The following ORC2 variants were observed in gnomAD, a reference collection of about 807,000 sequenced individuals.
The protein encoded by ORC2 is origin recognition complex protein 2 homolog.
In ORC2, 37 loss-of-function variants were observed where a neutral mutation model predicts 77.7. The ratio of observed to expected loss-of-function variants is 0.48; its 90% CI spans 0.37 to 0.63. ORC2 has a LOEUF of 0.63. Ranked by LOEUF, ORC2 falls within the 20% of genes least tolerant of loss-of-function variation. The probability of loss-of-function intolerance (pLI) is 0.00; values close to 1 mark genes in which losing one functional copy is unlikely to be tolerated. For missense variants in ORC2, 557 were observed against 661.9 expected, an observed-to-expected ratio of 0.84 and a Z score of 1.74; for synonymous variants, 201 against 229.5, an observed-to-expected ratio of 0.88 and a Z score of 1.12.
chr2:200,914,877 A>G (rs1339521808), intron 15 of ORC2, among the ~76,000 whole-genome samples: 1 of 152,160 alleles, frequency 6.6e-6, no homozygotes, highest in African/African-American at 2.4e-5. Context: ...TTGAGATCAT[A>G]CTGGGTATGC....
intron 17 of ORC2, among the ~76,000 whole-genome samples, chr2:200,912,411 AGT>A (rs1559001765): frequency 6.6e-6 from 1 of 152,116 alleles, no homozygotes; most frequent in South Asian, 2.1e-4. Flanking sequence ...TCACTCTTTC[AGT>A]GTGTGTGTTT....
intron 6 of ORC2, 49 bp downstream of exon 6, chr2:200,942,636 T>G: frequency 9.9e-7 from 1 of 1,005,452 alleles, no homozygotes; most frequent in East Asian, 2.5e-5. Context: ...ATGCTCTATC[T>G]TGAAGCAACT....
intron 17 of ORC2, 63 bp from the exon 18 acceptor site, chr2:200,911,450 G>T: frequency 1.2e-6 from 1 of 868,704 alleles, no homozygotes. Context: ...CTCTTCTATT[G>T]TAGAGGCTAA....
intron 10 of ORC2, among the ~76,000 whole-genome samples, chr2:200,933,223 G>T (rs1323213869): frequency 1.3e-5 from 2 of 150,048 alleles, no homozygotes; most frequent in Non-Finnish European, 3.0e-5. Flanking sequence ...ATAACTGTAT[G>T]GTATTTTTTT....
At chr2:200,926,985 G>A in intron 11 of ORC2, 85 bp from the exon 12 acceptor site, 1 of 1,403,714 alleles carries the variant, frequency 7.1e-7, no homozygotes, top group Non-Finnish European at 9.9e-7. Flanking sequence ...CTTAAATTCA[G>A]TTTATAAAAA....
Position 200,910,166 on chromosome 2 carries a change from A to G in ORC2, c.*1135T>C, listed in dbSNP as rs2040526402. Reference sequence around the variant, plus strand: ...TTTACAAGATAAGAAATGAGTGAGAAATGCTGACGTAGTACGTATTTTATT... The same window carrying G: ...TTTACAAGATAAGAAATGAGTGAGAGATGCTGACGTAGTACGTATTTTATT... On this transcript the variant is annotated 3_prime_UTR_variant, in exon 18 of 18. Coordinates refer to ENST00000234296, the MANE Select transcript of ORC2 (RefSeq NM_006190.5). 1 of 152,186 alleles carries G rather than the reference A, an allele frequency of 6.6e-6. No homozygotes were observed. The highest frequency in any genetic ancestry group is 2.1e-4 in the South Asian group (1 of 4,834). The allele number at this position is 152,186 out of a possible 1,614,324, so 9.4% of individuals were successfully genotyped here.
At chr2:200,947,194 G>A (rs1159233247) in intron 5 of ORC2, among the ~76,000 whole-genome samples, 4 of 151,878 alleles carry the variant, frequency 2.6e-5, no homozygotes, top group Non-Finnish European at 4.4e-5. Context: ...GAGCCACCGC[G>A]ACCAACCAAA....
intron 17 of ORC2, 136 bp downstream of exon 17, chr2:200,913,159 C>T: frequency 3.6e-6 from 2 of 555,332 alleles, no homozygotes; most frequent in South Asian, 2.2e-5. Flanking sequence ...TCAAATGGCA[C>T]ATCCCCTAAA....
intron 5 of ORC2, among the ~76,000 whole-genome samples, chr2:200,944,858 C>T (rs1303808898): frequency 2.0e-5 from 3 of 152,172 alleles, no homozygotes; most frequent in South Asian, 2.1e-4. Context: ...CTATTTAACA[C>T]ATAACTTTGT....
At position 200,909,955 on chromosome 2, in the gene ORC2, G is replaced by A. The variant is rs1421041990; in HGVS notation, c.*1346C>T. The A allele has an allele frequency of 1.3e-5, 2 of 152,078 alleles. No homozygotes were observed. Among genetic ancestry groups the A allele is most frequent in the East Asian group, 3.9e-4 (2 of 5,156 alleles). The allele number at this position is 152,078 out of a possible 1,614,324, so 9.4% of individuals were successfully genotyped here. A position where few individuals can be genotyped will look rare whatever the true frequency, so the allele number is the denominator to read the frequency against. ...TTTTTAAATTTTTTGTAGAGACAAG[G>A]TCTCACTATGTTGCCCAGGCTGTTC... On this transcript the variant is annotated 3_prime_UTR_variant, in exon 18 of 18. Coordinates refer to ENST00000234296, the MANE Select transcript of ORC2 (RefSeq NM_006190.5).
intron 10 of ORC2, among the ~76,000 whole-genome samples, chr2:200,933,420 C>T (rs1471389433): frequency 6.6e-6 from 1 of 151,790 alleles, no homozygotes; most frequent in Non-Finnish European, 1.5e-5. Context: ...TTAGTGAATA[C>T]ATATAGGTTA....
At chr2:200,922,162 G>T in intron 13 of ORC2, among the ~76,000 whole-genome samples, 1 of 116,634 alleles carries the variant, frequency 8.6e-6, no homozygotes, top group Non-Finnish European at 1.7e-5. Context: ...GGGGGTGGGG[G>T]TTAGGATACT....
intron 11 of ORC2, among the ~76,000 whole-genome samples, chr2:200,928,578 C>T (rs1471945531): frequency 3.3e-5 from 5 of 151,802 alleles, no homozygotes; most frequent in African/African-American, 7.2e-5. Context: ...CTTTGGGAGG[C>T]CGAGGCGGGC....
At chr2:200,915,455 T>C (rs2040630646) in intron 15 of ORC2, among the ~76,000 whole-genome samples, 1 of 152,206 alleles carries the variant, frequency 6.6e-6, no homozygotes, top group Non-Finnish European at 1.5e-5. Flanking sequence ...TAACTCTTAA[T>C]GGATGACTGG....
At position 200,942,071 on chromosome 2, in the gene ORC2, A is replaced by C. The variant is rs2041163912; in HGVS notation, c.421+614T>G. Among the ~76,000 whole-genome samples, 9 of 152,190 alleles carry C rather than the reference A, an allele frequency of 5.9e-5. No individual in the cohort carries two copies. In the South Asian group the frequency reaches 1.9e-3, roughly 32 times the overall value. ...GCGGTGTGCTTATAGGCCCTGTTACACGAGAGGCTGAGGCTAGAGGATCAC... is the reference window on the plus strand; with the variant it reads ...GCGGTGTGCTTATAGGCCCTGTTACCCGAGAGGCTGAGGCTAGAGGATCAC... On this transcript the variant is annotated intron_variant, in intron 6 of 17. Coordinates refer to ENST00000234296, the MANE Select transcript of ORC2 (RefSeq NM_006190.5).
chr2:200,938,034 C>G, intron 7 of ORC2, 68 bp from the exon 8 acceptor site: 1 of 1,177,870 alleles, frequency 8.5e-7, no homozygotes, highest in Non-Finnish European at 1.2e-6. Context: ...GTGAAAGAGG[C>G]TAGAAAAAAA....
At chr2:200,951,771 T>C (rs1007690055) in intron 4 of ORC2, among the ~76,000 whole-genome samples, 2 of 152,212 alleles carry the variant, frequency 1.3e-5, no homozygotes, top group African/African-American at 2.4e-5. Context: ...TTTTAAAAGC[T>C]CTTTGTATAT....
intron 6 of ORC2, 52 bp downstream of exon 6, chr2:200,942,633 A>C: frequency 1.0e-6 from 1 of 953,856 alleles, no homozygotes; most frequent in Non-Finnish European, 1.6e-6. Flanking sequence ...AACATGCTCT[A>C]TCTTGAAGCA....
chr2:200,931,470 G>C, intron 10 of ORC2, 22 bp from the exon 11 acceptor site: 1 of 1,309,186 alleles, frequency 7.6e-7, no homozygotes, highest in Non-Finnish European at 1.1e-6. Flanking sequence ...AGGAGGAGGG[G>C]AAAAAAGTCA....
Sources: gnomAD v4.1 joint callset for allele counts (sites outside exome capture counted in the v4.1 genomes callset) on GRCh38, gnomAD v4.1.1 for gene constraint, MANE v1.5 for transcripts, NCBI Gene and HGNC (gene_info 2026-07-23, HGNC 2026-07-21) for gene names.